The following NCAPH2 variants were observed in gnomAD, a reference collection of about 807,000 sequenced individuals.
The protein encoded by NCAPH2 is condensin-2 complex subunit H2.
Under a neutral mutation model 88.6 loss-of-function variants are expected in NCAPH2, and 56 were observed. That is an observed-to-expected ratio of 0.63 (90% CI 0.51 to 0.79). The LOEUF (loss-of-function observed/expected upper bound fraction) is 0.79, where lower values mean the gene tolerates loss of function less well. NCAPH2 is among the 30% of genes least tolerant of loss of function. The pLI is 0.00. For synonymous variants in NCAPH2, 378 were observed against 313.6 expected, an observed-to-expected ratio of 1.21 and a Z score of -2.17; for missense variants, 794 against 792.0, an observed-to-expected ratio of 1.00 and a Z score of -0.03.
In NCAPH2 at chr22:50,519,357, T is replaced by G. The variant is rs1433268345; in HGVS notation, c.861+37T>G. On this transcript the variant is annotated intron_variant, in intron 9 of 19. Transcript: ENST00000420993. ...ATGGAGGCCTGCAGAACCTGAGCTG[T>G]GAACTGGCAACCCTGGCTCTGGGGC... 3.1e-6 allele frequency: 5 copies of G among 1,607,932 alleles called. No homozygotes were observed. The African/African-American group carries it at 5.3e-5, about 17-fold the overall frequency.
At position 50,523,425 on chromosome 22, in the gene NCAPH2, T is replaced by C. The variant is rs2782; in HGVS notation, c.*50T>C. 0.62 allele frequency: 946,533 copies of C among 1,519,792 alleles called. 295,836 individuals are homozygous for C. Among genetic ancestry groups the C allele is most frequent in the East Asian group, 0.72 (29,085 of 40,622 alleles). The allele number at this position is 1,519,792 out of a possible 1,614,324, so 94.1% of individuals were successfully genotyped here. A position where few individuals can be genotyped will look rare whatever the true frequency, so the allele number is the denominator to read the frequency against. On this transcript the variant is annotated 3_prime_UTR_variant, in exon 20 of 20. Coordinates refer to ENST00000420993, the MANE Select transcript of NCAPH2 (RefSeq NM_152299.4). The stretch of plus-strand genomic sequence containing the variant: ...GGGGAATGTGTACTGAGGAGCCGTG[T>C]GTCTGCTCCTGGCTGGCCCGGCCTA...
chr22:50,523,531 C>T lies in NCAPH2; in HGVS notation c.*156C>T. On this transcript the variant is annotated 3_prime_UTR_variant, in exon 20 of 20. Coordinates refer to ENST00000420993, the MANE Select transcript of NCAPH2 (RefSeq NM_152299.4). The stretch of plus-strand genomic sequence containing the variant: ...CGCAGAGAAGAGGGCTGCCTGGCCT[C>T]CCTGGGCCGCTGGTACAGATCACAC... The T allele has an allele frequency of 1.9e-6, 3 of 1,571,638 alleles. No homozygotes were observed. Among genetic ancestry groups the T allele is most frequent in the East Asian group, 2.3e-5 (1 of 43,294 alleles).
chr22:50,512,236 A>G (rs959378504), intron 1 of NCAPH2, among the ~76,000 whole-genome samples: 2 of 152,240 alleles, frequency 1.3e-5, no homozygotes, highest in Admixed American at 1.3e-4. Context: ...TGTTTGTTAA[A>G]TGCACATGTG....
intron 1 of NCAPH2, among the ~76,000 whole-genome samples, chr22:50,510,760 G>A (rs2068760274): frequency 6.6e-6 from 1 of 151,992 alleles, no homozygotes; most frequent in African/African-American, 2.4e-5. Context: ...TAAGGTCTTA[G>A]TGTAAATGTC....
intron 6 of NCAPH2, 34 bp from the exon 7 acceptor site, chr22:50,518,099 G>A (rs1176903533): frequency 2.5e-6 from 4 of 1,613,686 alleles, no homozygotes; most frequent in Non-Finnish European, 3.4e-6. Flanking sequence ...GCCTGGGAAG[G>A]GTCTCTACAG....
chr22:50,510,238 T>C (rs2068748506), intron 1 of NCAPH2, among the ~76,000 whole-genome samples: 1 of 151,362 alleles, frequency 6.6e-6, no homozygotes, highest in Non-Finnish European at 1.5e-5. Context: ...TGTTTTTAAA[T>C]AAAGAGGGAC....
At chr22:50,509,188 T>C (rs2068716746) in intron 1 of NCAPH2, among the ~76,000 whole-genome samples, 1 of 152,194 alleles carries the variant, frequency 6.6e-6, no homozygotes, top group Non-Finnish European at 1.5e-5. Context: ...GCCTAGGTCA[T>C]CTTCTGATGC....
intron 1 of NCAPH2, chr22:50,515,839 G>A: frequency 8.0e-7 from 1 of 1,257,580 alleles, no homozygotes; most frequent in Admixed American, 2.8e-5. Flanking sequence ...TATGAATGCA[G>A]CCCCAGAGCT....
In NCAPH2 at chr22:50,523,685, G is replaced by C. The variant is rs760717208; in HGVS notation, c.*310G>C. ...GAGATCTGCTCAGCCGATCTGCTCC[G>C]GCCGTAGTAATCCGTGAAGAGGCCG... On this transcript the variant is annotated 3_prime_UTR_variant, in exon 20 of 20. Coordinates refer to ENST00000420993, the MANE Select transcript of NCAPH2 (RefSeq NM_152299.4). The C allele has an allele frequency of 6.2e-7, 1 of 1,614,144 alleles. No individual in the cohort carries two copies. Among genetic ancestry groups the C allele is most frequent in the Admixed American group, 1.7e-5 (1 of 60,034 alleles).
chr22:50,518,104 C>G, intron 6 of NCAPH2, 29 bp from the exon 7 acceptor site: 1 of 1,613,832 alleles, frequency 6.2e-7, no homozygotes, highest in Non-Finnish European at 8.5e-7. Flanking sequence ...GGAAGGGTCT[C>G]TACAGCAGGC....
chr22:50,519,634 G>T, intron 9 of NCAPH2: 1 of 1,192,266 alleles, frequency 8.4e-7, no homozygotes, highest in Non-Finnish European at 1.0e-6. Flanking sequence ...CTGCAGTCGG[G>T]CTGGTAGGAG....
intron 1 of NCAPH2, among the ~76,000 whole-genome samples, chr22:50,514,807 G>T (rs1284039029): frequency 6.6e-6 from 1 of 152,214 alleles, no homozygotes; most frequent in Non-Finnish European, 1.5e-5. Context: ...TAATGGAAGT[G>T]ACTCCCCTTG....
intron 1 of NCAPH2, among the ~76,000 whole-genome samples, chr22:50,511,782 A>G (rs1462588295): frequency 6.6e-6 from 1 of 150,762 alleles, no homozygotes; most frequent in African/African-American, 2.5e-5. Flanking sequence ...AGTAGCTGGG[A>G]TTACAGGCGC....
chr22:50,519,805 G>A lies in NCAPH2; in HGVS notation c.861+485G>A, dbSNP rs140067814. On this transcript the variant is annotated intron_variant, in intron 9 of 19. Coordinates refer to ENST00000420993, the MANE Select transcript of NCAPH2 (RefSeq NM_152299.4). ...TTCACTCTAGTTGGTAGATGGCATG[G>A]ATATTTGTCATATTCTATTCATTTT... 4.9e-5 allele frequency: 46 copies of A among 931,222 alleles called. No individual in the cohort carries two copies. In the African/African-American group the frequency reaches 7.8e-4, roughly 16 times the overall value. The allele number at this position is 931,222 out of a possible 1,614,324, so 57.7% of individuals were successfully genotyped here. A position where few individuals can be genotyped will look rare whatever the true frequency, so the allele number is the denominator to read the frequency against.
chr22:50,515,849 T>C (rs1198249336), intron 1 of NCAPH2: 1 of 1,241,448 alleles, frequency 8.1e-7, no homozygotes, highest in African/African-American at 1.6e-5. Flanking sequence ...GCCCCAGAGC[T>C]AAGGAGAGAG....
In NCAPH2 at chr22:50,523,874, A is replaced by G. The variant is rs1284999406; in HGVS notation, c.*499A>G. 1.9e-6 allele frequency: 3 copies of G among 1,613,824 alleles called. No homozygotes were observed. Among genetic ancestry groups the G allele is most frequent in the Non-Finnish European group, 2.5e-6 (3 of 1,180,034 alleles). On this transcript the variant is annotated 3_prime_UTR_variant, in exon 20 of 20. Coordinates refer to ENST00000420993, the MANE Select transcript of NCAPH2 (RefSeq NM_152299.4). ...AGTCTTGGGTGGAAGTCCTGGACGT[A>G]GCGGGCCATGGCTTCAACGTCGTCC...
chr22:50,517,330 G>GT, intron 2 of NCAPH2, 97 bp from the exon 3 acceptor site: 1 of 1,267,804 alleles, frequency 7.9e-7, no homozygotes, highest in Non-Finnish European at 1.1e-6. Flanking sequence ...TTTGGTGGTG[G>GT]TGGCCAGGCC....
Position 50,515,821 on chromosome 22 carries a change from T to C in NCAPH2, c.109-626T>C, listed in dbSNP as rs1430835274. ...TTTGGGGACATTTGAATGTACTCTG[T>C]GGACAGCTATGAATGCAGCCCCAGA... On this transcript the variant is annotated intron_variant, in intron 1 of 19. Transcript: ENST00000420993. 6 of 1,285,450 alleles carry C rather than the reference T, an allele frequency of 4.7e-6. No homozygotes were observed. The African/African-American group carries it at 9.4e-5, about 20-fold the overall frequency. The allele number at this position is 1,285,450 out of a possible 1,614,324, so 79.6% of individuals were successfully genotyped here.
At position 50,524,703 on chromosome 22, in the gene NCAPH2, AC is replaced by A; in HGVS notation, c.*1329del. The A allele has an allele frequency of 1.6e-6, 1 of 640,264 alleles. No homozygotes were observed. Among genetic ancestry groups the A allele is most frequent in the Non-Finnish European group, 3.0e-6 (1 of 335,708 alleles). The allele number at this position is 640,264 out of a possible 1,614,324, so 39.7% of individuals were successfully genotyped here. On this transcript the variant is annotated 3_prime_UTR_variant, in exon 20 of 20. Transcript: ENST00000420993. ...CCTCAGCAAGGTGAACCTCTTGCTG[AC>A]GGAAAGCATTCCAAGTGCATGCCTT...
Sources: gnomAD v4.1 joint callset for allele counts (sites outside exome capture counted in the v4.1 genomes callset) on GRCh38, gnomAD v4.1.1 for gene constraint, MANE v1.5 for transcripts, NCBI Gene and HGNC (gene_info 2026-07-23, HGNC 2026-07-21) for gene names.